Variants in CACNB4 observed in about 807,000 individuals in gnomAD.
CACNB4 encodes calcium voltage-gated channel auxiliary subunit beta 4, also known as voltage-dependent L-type calcium channel subunit beta-4.
Under a neutral mutation model 71.2 loss-of-function variants are expected in CACNB4, and 32 were observed. That is an observed-to-expected ratio of 0.45 (90% CI 0.34 to 0.60). CACNB4 has a LOEUF of 0.60. CACNB4 is among the 20% of genes least tolerant of loss of function. The pLI, the probability that CACNB4 is intolerant of heterozygous loss-of-function variation, is 0.01. For missense variants in CACNB4, 464 were observed against 647.9 expected, an observed-to-expected ratio of 0.72 and a Z score of 3.08; for synonymous variants, 231 against 236.9, an observed-to-expected ratio of 0.97 and a Z score of 0.23.
At chr2:152,024,700 G>A (rs1683867719) in intron 2 of CACNB4, among the ~76,000 whole-genome samples, 1 of 152,214 alleles carries the variant, frequency 6.6e-6, no homozygotes, top group Non-Finnish European at 1.5e-5. Flanking sequence ...ATGGAAGGCT[G>A]CTACACCCTT....
chr2:151,879,866 T>C (rs1432816213), intron 4 of CACNB4: 1 of 152,226 alleles, frequency 6.6e-6, no homozygotes, highest in Non-Finnish European at 1.5e-5. Context: ...GGTTGGAATG[T>C]TGGTGTGAGT....
intron 8 of CACNB4, chr2:151,870,299 T>G (rs1281390454): frequency 4.3e-6 from 3 of 703,070 alleles, no homozygotes; most frequent in Non-Finnish European, 7.8e-6. Context: ...TGTGAATATT[T>G]TGAGGGAGGT....
chr2:151,946,607 A>G (rs1403943808), intron 2 of CACNB4, among the ~76,000 whole-genome samples: 2 of 152,358 alleles, frequency 1.3e-5, no homozygotes, highest in East Asian at 1.9e-4. Flanking sequence ...CGTGAGCCAC[A>G]TGACAGATAC....
chr2:151,949,068 T>A (rs2151656559), intron 2 of CACNB4, among the ~76,000 whole-genome samples: 1 of 151,986 alleles, frequency 6.6e-6, no homozygotes, highest in Non-Finnish European at 1.5e-5. Context: ...TCTTCTTTCC[T>A]CTTCTTCTCT....
intron 2 of CACNB4, among the ~76,000 whole-genome samples, chr2:152,065,272 TACTCG>T (rs900614391): frequency 2.4e-4 from 37 of 151,858 alleles, no homozygotes; most frequent in Non-Finnish European, 1.0e-4. Flanking sequence ...TAATCCCAAC[TACTCG>T]GGAGGCTGAG....
chr2:151,979,429 T>C (rs1228780691), intron 2 of CACNB4, among the ~76,000 whole-genome samples: 1 of 151,760 alleles, frequency 6.6e-6, no homozygotes, highest in Non-Finnish European at 1.5e-5. Context: ...ATTGACTTAT[T>C]ACTCAGAAAG....
intron 2 of CACNB4, among the ~76,000 whole-genome samples, chr2:151,994,010 A>G (rs1681886982): frequency 6.7e-6 from 1 of 149,166 alleles, no homozygotes; most frequent in Non-Finnish European, 1.5e-5. Context: ...TATCTCTACA[A>G]AAAATTTAAA....
chr2:151,880,764 T>C lies in CACNB4; in HGVS notation c.390+36A>G, dbSNP rs759587512. 16 of 1,595,904 alleles carry C rather than the reference T, an allele frequency of 1.0e-5. No homozygotes were observed. In the East Asian group the frequency reaches 3.4e-4, roughly 34 times the overall value. ...GAGCTGATTCCTGGCTTCAGCTTTT[T>C]GGCAGGTGAAGGGATGCAGTATGTT... is the stretch of plus-strand genomic sequence containing the variant. On this transcript the variant is annotated intron_variant, in intron 4 of 13. Transcript: ENST00000539935.
At chr2:151,961,758 G>A (rs970948719) in intron 2 of CACNB4, among the ~76,000 whole-genome samples, 3 of 152,014 alleles carry the variant, frequency 2.0e-5, no homozygotes, top group Admixed American at 1.3e-4. Context: ...AGGCATGATG[G>A]CATGCACCTG....
intron 2 of CACNB4, among the ~76,000 whole-genome samples, chr2:151,944,280 T>C (rs780564262): frequency 2.6e-5 from 4 of 152,020 alleles, no homozygotes; most frequent in Non-Finnish European, 5.9e-5. Flanking sequence ...CCTCAAGTGA[T>C]CCTCCCACCT....
intron 2 of CACNB4, among the ~76,000 whole-genome samples, chr2:151,928,541 T>C (rs559639886): frequency 9.2e-5 from 14 of 152,312 alleles, no homozygotes; most frequent in African/African-American, 3.4e-4. Context: ...CTTGAGAAAC[T>C]GAGTTGCCCA....
At chr2:151,890,054 C>T (rs1290459167) in intron 2 of CACNB4, among the ~76,000 whole-genome samples, 3 of 152,124 alleles carry the variant, frequency 2.0e-5, no homozygotes, top group Non-Finnish European at 2.9e-5. Flanking sequence ...TAATTACAGT[C>T]TTCAATGCCT....
At chr2:151,944,468 G>T (rs2099865080) in intron 2 of CACNB4, among the ~76,000 whole-genome samples, 1 of 152,112 alleles carries the variant, frequency 6.6e-6, no homozygotes, top group Admixed American at 6.5e-5. Context: ...AGAGAGTATA[G>T]GTATTAAACA....
chr2:152,099,123 G>C, upstream of CACNB4: 1 of 631,910 alleles, frequency 1.6e-6, no homozygotes, highest in Non-Finnish European at 2.6e-6. Flanking sequence ...CCCGGCTCCA[G>C]GACCCGCGCC....
chr2:151,986,020 C>T (rs1173651747), intron 2 of CACNB4, among the ~76,000 whole-genome samples: 1 of 152,168 alleles, frequency 6.6e-6, no homozygotes, highest in Non-Finnish European at 1.5e-5. Context: ...TGAGCTAAGA[C>T]TACCCTAGTT....
intron 2 of CACNB4, among the ~76,000 whole-genome samples, chr2:152,034,535 G>C (rs1310433365): frequency 1.3e-5 from 2 of 152,144 alleles, no homozygotes; most frequent in African/African-American, 2.4e-5. Context: ...CCACAAAATG[G>C]GCAAGCGGCT....
At chr2:151,893,544 A>G (rs2099851266) in intron 2 of CACNB4, among the ~76,000 whole-genome samples, 1 of 152,148 alleles carries the variant, frequency 6.6e-6, no homozygotes, top group South Asian at 2.1e-4. Flanking sequence ...ACTCAGTCTT[A>G]TAGCTTATAT....
chr2:152,094,403 C>A (rs1415753423), intron 2 of CACNB4, among the ~76,000 whole-genome samples: 1 of 152,204 alleles, frequency 6.6e-6, no homozygotes, highest in Admixed American at 6.5e-5. Context: ...AGGCAGGGGC[C>A]AGGCCAGGTA....
chr2:151,864,583 C>T (rs1349012008), intron 9 of CACNB4, among the ~76,000 whole-genome samples: 2 of 151,858 alleles, frequency 1.3e-5, no homozygotes, highest in Non-Finnish European at 2.9e-5. Context: ...AAGAGTGTTC[C>T]GAAGAATGCA....
Sources: allele counts gnomAD v4.1 joint callset (sites outside exome capture counted in the v4.1 genomes callset), GRCh38; gene constraint gnomAD v4.1.1; transcripts MANE v1.5; gene names NCBI Gene and HGNC (gene_info 2026-07-23, HGNC 2026-07-21).